CLEC12A: variants seen among roughly 807,000 people sequenced by gnomAD.
CLEC12A encodes C-type lectin protein CLL-1.
In CLEC12A, 22 loss-of-function variants were observed where a neutral mutation model predicts 26.5. The observed-to-expected ratio is 0.83, with a 90% CI of 0.59 to 1.19. The LOEUF is 1.19. CLEC12A is among the 50% of genes most tolerant of loss of function. The pLI is 0.00. For missense variants in CLEC12A, 353 were observed against 315.6 expected, an observed-to-expected ratio of 1.12 and a Z score of -0.90; for synonymous variants, 119 against 101.9, an observed-to-expected ratio of 1.17 and a Z score of -1.01.
At chr12:9,965,196 G>T (rs1020247298) in intron 1 of CLEC12A, among the ~76,000 whole-genome samples, 10 of 152,182 alleles carry the variant, frequency 6.6e-5, no homozygotes, top group African/African-American at 2.4e-4. Context: ...GTAAGGTCAA[G>T]TTGTTTGGAC....
chr12:9,956,046 A>G (rs910046029), intron 1 of CLEC12A, among the ~76,000 whole-genome samples: 21 of 152,230 alleles, frequency 1.4e-4, no homozygotes, highest in Admixed American at 7.9e-4. Flanking sequence ...AGGGGAGACA[A>G]GCTGACAGCA....
At chr12:9,957,275 G>T (rs1863756439) in intron 1 of CLEC12A, among the ~76,000 whole-genome samples, 1 of 151,972 alleles carries the variant, frequency 6.6e-6, no homozygotes, top group Admixed American at 6.5e-5. Flanking sequence ...ATCACCTGAG[G>T]TCAGGAGTTT....
chr12:9,989,220 G>C (rs996002054), downstream of CLEC12A, among the ~76,000 whole-genome samples: 2 of 149,222 alleles, frequency 1.3e-5, no homozygotes. Flanking sequence ...TTGTGGGATG[G>C]GGGGAGGGGG....
At chr12:9,986,684 G>A (rs1360995916), downstream of CLEC12A, among the ~76,000 whole-genome samples, 3 of 152,068 alleles carry the variant, frequency 2.0e-5, no homozygotes, top group Non-Finnish European at 2.9e-5. Flanking sequence ...GGTGACACAC[G>A]CCTACAGTCC....
intron 4 of CLEC12A, 64 bp from the exon 5 acceptor site, chr12:9,981,956 A>C (rs1346288592): frequency 1.3e-6 from 1 of 789,866 alleles, no homozygotes; most frequent in East Asian, 2.7e-5. Context: ...AAGAAATTAC[A>C]TTATAATGTA....
rs1460878900 is a variant in CLEC12A, at chr12:9,979,316, G to T, written c.191-20G>T. 1.3e-6 allele frequency: 2 copies of T among 1,529,950 alleles called. No individual in the cohort carries two copies. The highest frequency in any genetic ancestry group is 1.2e-5 in the South Asian group (1 of 83,674). 94.8% of individuals were successfully genotyped at this position (1,529,950 alleles called of 1,614,324 possible). A position where few individuals can be genotyped will look rare whatever the true frequency, so the allele number is the denominator to read the frequency against. ...CTCTATTGAGAATTTACAATTTTTT[G>T]TCATTTTTTTAATGTGGAGTTCACG... On this transcript the variant is annotated intron_variant, in intron 2 of 5. Coordinates refer to ENST00000304361, the MANE Select transcript of CLEC12A (RefSeq NM_138337.6).
At chr12:9,992,128 T>C (rs1215582372) in intron 4 of CLEC12A, 1 of 152,180 alleles carries the variant, frequency 6.6e-6, no homozygotes, top group African/African-American at 2.4e-5. Context: ...CCTATTATCC[T>C]GTAAAAGGGT....
intron 1 of CLEC12A, among the ~76,000 whole-genome samples, chr12:9,959,546 C>T (rs184890036): frequency 2.0e-5 from 3 of 152,136 alleles, no homozygotes; most frequent in Admixed American, 2.0e-4. Flanking sequence ...GAGTCCCTGG[C>T]ACCTCTATTC....
At position 9,979,072 on chromosome 12, in the gene CLEC12A, C is replaced by T. The variant is rs1864449831; in HGVS notation, c.190+8C>T. The T allele has an allele frequency of 6.2e-7, 1 of 1,602,454 alleles. No individual in the cohort carries two copies. The highest frequency in any genetic ancestry group is 8.5e-7 in the Non-Finnish European group (1 of 1,169,636). The stretch of plus-strand genomic sequence containing the variant: ...GAGTCTTGGCAAGCATGTGTATGTA[C>T]TGCCCCTGTTTTTGTCAAGAGGAAG... On this transcript the variant is annotated splice_region_variant and intron_variant, in intron 2 of 5. Transcript: ENST00000304361.
chr12:9,978,695 T>C (rs1001649375), intron 1 of CLEC12A, among the ~76,000 whole-genome samples: 2 of 152,210 alleles, frequency 1.3e-5, no homozygotes, highest in Admixed American at 1.3e-4. Flanking sequence ...AATTCTGTTT[T>C]TGCTTATCTG....
At position 9,985,004 on chromosome 12, in the gene CLEC12A, C is replaced by T; in HGVS notation, c.776C>T (p.Ser259Phe). The T allele has an allele frequency of 3.9e-6, 6 of 1,528,034 alleles. No homozygotes were observed. The highest frequency in any genetic ancestry group is 5.3e-6 in the Non-Finnish European group (6 of 1,136,920). The allele number at this position is 1,528,034 out of a possible 1,614,324, so 94.7% of individuals were successfully genotyped here. The change falls in exon 6 of 6, where the codon TCT becomes TTT. Residue 259 changes from serine to phenylalanine, a missense_variant. Coordinates refer to ENST00000304361, the MANE Select transcript of CLEC12A (RefSeq NM_138337.6). ...ATGGCCAATCCAGTGCAGCTTGGTT[C>T]TACATATTTTAGGGAGGCATGAGGC... ...EKMANPVQLG[S>F]TYFREA is the part of the protein sequence containing the mutation.
At chr12:9,961,871 G>C (rs1466693178) in intron 1 of CLEC12A, among the ~76,000 whole-genome samples, 2 of 152,144 alleles carry the variant, frequency 1.3e-5, no homozygotes, top group Non-Finnish European at 2.9e-5. Flanking sequence ...CAGTGCCCTA[G>C]GATGGTGACT....
intron 4 of CLEC12A, chr12:9,993,244 A>G (rs765374313): frequency 6.2e-7 from 1 of 1,612,716 alleles, no homozygotes; most frequent in Non-Finnish European, 8.5e-7. Flanking sequence ...TTATGAAAAT[A>G]AGCACAATTC....
chr12:9,985,145 T>C lies in CLEC12A; in HGVS notation c.*119T>C, dbSNP rs970473259. 4 of 1,146,166 alleles carry C rather than the reference T, an allele frequency of 3.5e-6. No homozygotes were observed. Among genetic ancestry groups the C allele is most frequent in the South Asian group, 5.2e-5 (2 of 38,580 alleles). The allele number at this position is 1,146,166 out of a possible 1,614,324, so 71.0% of individuals were successfully genotyped here. On this transcript the variant is annotated 3_prime_UTR_variant, in exon 6 of 6. Coordinates refer to ENST00000304361, the MANE Select transcript of CLEC12A (RefSeq NM_138337.6). Reference sequence around the variant, plus strand: ...TGTCTGAAGACCTGGGATTTTATCATGCAGATGAAACATCCAGGTAGCAAG... The same window carrying C: ...TGTCTGAAGACCTGGGATTTTATCACGCAGATGAAACATCCAGGTAGCAAG...
chr12:9,963,476 G>A (rs1591813847), intron 1 of CLEC12A, among the ~76,000 whole-genome samples: 2 of 143,298 alleles, frequency 1.4e-5, no homozygotes, highest in Middle Eastern at 7.1e-3. Flanking sequence ...CACTAGAGAG[G>A]CTATGGAAGG....
intron 5 of CLEC12A, among the ~76,000 whole-genome samples, chr12:9,982,660 TA>T (rs1864607606): frequency 6.6e-6 from 1 of 152,130 alleles, no homozygotes; most frequent in Non-Finnish European, 1.5e-5. Flanking sequence ...TTTATGGATT[TA>T]GGGGGTACGA....
At chr12:9,976,781 C>T (rs542089281) in intron 1 of CLEC12A, among the ~76,000 whole-genome samples, 8 of 152,190 alleles carry the variant, frequency 5.3e-5, no homozygotes, top group East Asian at 1.9e-4. Context: ...ACAATTTCCA[C>T]GTGTTGTTGG....
At chr12:9,999,481 C>T (rs1195541791), downstream of CLEC12A, among the ~76,000 whole-genome samples, 1 of 152,096 alleles carries the variant, frequency 6.6e-6, no homozygotes, top group Non-Finnish European at 1.5e-5. Context: ...TTACATTGCT[C>T]AAATGAGAGA....
downstream of CLEC12A, chr12:9,999,007 T>G: frequency 1.5e-6 from 2 of 1,305,410 alleles, no homozygotes; most frequent in Middle Eastern, 1.9e-4. Context: ...TTAAATTAAT[T>G]TCCAAATTAT....
Sources: gnomAD v4.1 joint callset for allele counts (sites outside exome capture counted in the v4.1 genomes callset) on GRCh38, gnomAD v4.1.1 for gene constraint, MANE v1.5 for transcripts, NCBI Gene and HGNC (gene_info 2026-07-23, HGNC 2026-07-21) for gene names.